PIWIL4: variants seen among roughly 807,000 people sequenced by gnomAD.
PIWIL4 encodes the protein piwi like RNA-mediated gene silencing 4.
A neutral mutation model predicts 100.9 loss-of-function variants in PIWIL4; 50 were observed. The ratio of observed to expected loss-of-function variants is 0.50; its 90% CI spans 0.39 to 0.63. The LOEUF (loss-of-function observed/expected upper bound fraction) is 0.63, where lower values mean the gene tolerates loss of function less well. Ranked by LOEUF, PIWIL4 falls within the 20% of genes least tolerant of loss-of-function variation. PIWIL4 has a pLI of 0.00. For missense variants in PIWIL4, 887 were observed against 1,043.3 expected, an observed-to-expected ratio of 0.85 and a Z score of 2.06; for synonymous variants, 342 against 367.5, an observed-to-expected ratio of 0.93 and a Z score of 0.79.
rs550377663 is a variant in PIWIL4, at chr11:94,589,140, T to A, written c.934T>A (p.Ser312Thr). The part of the protein sequence containing the change: ...VLTRYNNRTY[S>T]IDDIDWSVKP... The stretch of plus-strand genomic sequence containing the variant: ...TGGCAGATACAATAACAGAACCTAC[T>A]CCATTGATGACATTGACTGGTCAGT... The change falls in exon 8 of 20, where the codon TCC (serine) becomes ACC (threonine). Residue 312 changes from serine (S) to threonine (T), a missense_variant. By Grantham distance (58) the Ser-to-Thr change is moderately conservative (BLOSUM62 1). This residue lies in a region of PIWIL4 where 741 missense variants were observed against 930.0 expected (regional missense o/e 0.80). Coordinates refer to ENST00000299001, the MANE Select transcript of PIWIL4 (RefSeq NM_152431.3). 1 of 1,611,166 alleles carries A rather than the reference T, an allele frequency of 6.2e-7. No individual in the cohort carries two copies. The highest frequency in any genetic ancestry group is 1.3e-5 in the African/African-American group (1 of 75,010).
intron 5 of PIWIL4, among the ~76,000 whole-genome samples, chr11:94,584,778 A>G (rs1002754878): frequency 6.6e-6 from 1 of 152,126 alleles, no homozygotes; most frequent in Non-Finnish European, 1.5e-5. Context: ...TAGAAATAAG[A>G]TCCTCGGCTG....
chr11:94,620,833 C>A, intron 19 of PIWIL4, 43 bp from the exon 20 acceptor site: 1 of 1,430,414 alleles, frequency 7.0e-7, no homozygotes. Context: ...CTTTGAAGAA[C>A]AAGGTAATCT....
rs916135725 is a variant in PIWIL4 at position 94,583,040 on chromosome 11, A to G, written c.514-408A>G. ...ACACTGTTGTGGTGTGTGTATATAT[A>G]TATATGTGTGTGTGTGTGTGTGTGT... On this transcript the variant is annotated intron_variant, in intron 4 of 19. Transcript: ENST00000299001. Among the ~76,000 whole-genome samples, 829 of 118,170 alleles carry G rather than the reference A, an allele frequency of 7.0e-3. 8 individuals carry two copies. The highest frequency in any genetic ancestry group is 0.026 in the African/African-American group (789 of 29,954). The allele number at this position is 118,170 out of a possible 152,430, so 77.5% of individuals were successfully genotyped here.
intron 8 of PIWIL4, among the ~76,000 whole-genome samples, chr11:94,593,203 T>C (rs1948510137): frequency 6.6e-6 from 1 of 152,246 alleles, no homozygotes; most frequent in African/African-American, 2.4e-5. Flanking sequence ...ATGCTGGCTC[T>C]GAGTCAGTCC....
chr11:94,568,678 G>A, intron 1 of PIWIL4, 52 bp from the exon 2 acceptor site: 1 of 1,399,216 alleles, frequency 7.1e-7, no homozygotes. Flanking sequence ...TAATCTTTTG[G>A]TTTGTGACTT....
intron 11 of PIWIL4, among the ~76,000 whole-genome samples, chr11:94,600,455 A>AT (rs1948620139): frequency 6.6e-6 from 1 of 152,118 alleles, no homozygotes; most frequent in African/African-American, 2.4e-5. Context: ...TTTATTAGGG[A>AT]TTTTCAAAAG....
chr11:94,591,464 G>A (rs1446611407), intron 8 of PIWIL4, among the ~76,000 whole-genome samples: 1 of 152,244 alleles, frequency 6.6e-6, no homozygotes, highest in Non-Finnish European at 1.5e-5. Context: ...ATTCCTTGGA[G>A]AGCAAGGATG....
rs1948119964 is a variant in PIWIL4 at position 94,569,577 on chromosome 11, C to A, written c.166+769C>A. Among the ~76,000 whole-genome samples the A allele has an allele frequency of 2.0e-5, 3 of 152,286 alleles. No individual in the cohort carries two copies. The South Asian group carries it at 6.2e-4, about 32-fold the overall frequency. On this transcript the variant is annotated intron_variant, in intron 2 of 19. Transcript: ENST00000299001. The stretch of plus-strand genomic sequence containing the variant: ...ATTTTTAGTAGAGACAGGGTTTCTC[C>A]ATGTTGGTCAGGCTAGTCTTGAACT...
rs7936084 is a variant in PIWIL4, at chr11:94,587,773, T to G, written c.914+526T>G. The stretch of plus-strand genomic sequence containing the variant: ...AGGTTAGTTCCATGTCTCACCTTCT[T>G]TATTAGATTCAGGAGTCTTTTAAGT... On this transcript the variant is annotated intron_variant, in intron 7 of 19. Transcript: ENST00000299001. Among the ~76,000 whole-genome samples, 566 of 152,330 alleles carry G rather than the reference T, an allele frequency of 3.7e-3. 3 individuals are homozygous for G. Among genetic ancestry groups the G allele is most frequent in the African/African-American group, 0.013 (521 of 41,578 alleles).
At chr11:94,618,172 C>G (rs1948866800) in intron 17 of PIWIL4, 65 bp downstream of exon 17, 2 of 1,442,874 alleles carry the variant, frequency 1.4e-6, no homozygotes, top group East Asian at 4.8e-5. Flanking sequence ...AGCTATTACA[C>G]ACAAGGTATT....
chr11:94,572,503 A>G (rs1948171585), intron 2 of PIWIL4, among the ~76,000 whole-genome samples: 1 of 152,184 alleles, frequency 6.6e-6, no homozygotes, highest in Admixed American at 6.5e-5. Flanking sequence ...AGCTTTCTAC[A>G]TATGGCTAGC....
intron 15 of PIWIL4, among the ~76,000 whole-genome samples, chr11:94,614,300 C>CTTTTTTTTTT (rs57731239): frequency 8.3e-6 from 1 of 120,142 alleles, no homozygotes; most frequent in African/African-American, 3.2e-5. Flanking sequence ...TTTTTCTTTT[C>CTTTTTTTTTT]TTTTTTTTTT....
intron 8 of PIWIL4, 88 bp downstream of exon 8, chr11:94,589,320 G>T (rs1209726187): frequency 8.7e-7 from 1 of 1,143,770 alleles, no homozygotes; most frequent in Non-Finnish European, 1.3e-6. Flanking sequence ...CCCCCAGATT[G>T]GAGGCTGAGT....
At position 94,612,643 on chromosome 11, in the gene PIWIL4, G is replaced by C. The variant is rs561652046; in HGVS notation, c.1944-3850G>C. Among the ~76,000 whole-genome samples the C allele has an allele frequency of 5.3e-5, 8 of 151,886 alleles. No individual in the cohort carries two copies. In the East Asian group the frequency reaches 1.4e-3, roughly 26 times the overall value. ...TATTCCTCTCTCTCTGTCTTCCTTT[G>C]TGATTTGATGATTTTCTGCAATAGT... On this transcript the variant is annotated intron_variant, in intron 15 of 19. Transcript: ENST00000299001.
chr11:94,620,342 C>T (rs1158374516), intron 19 of PIWIL4, among the ~76,000 whole-genome samples, 198 bp downstream of exon 19: 2 of 152,094 alleles, frequency 1.3e-5, no homozygotes, highest in Non-Finnish European at 2.9e-5. Flanking sequence ...ATCATAGAAA[C>T]AAAATAACAA....
At position 94,593,579 on chromosome 11, in the gene PIWIL4, A is replaced by G; in HGVS notation, c.1088A>G (p.Lys363Arg). 1 of 1,614,042 alleles carries G rather than the reference A, an allele frequency of 6.2e-7. No homozygotes were observed. The change falls in exon 9 of 20, where the codon AAG becomes AGG. Residue 363 changes from lysine (K) to arginine (R), a missense_variant. Physicochemically the swap from Lys to Arg is conservative, Grantham distance 26. Transcript: ENST00000299001. ...QPMLVSLLKK[K>R]RNDNSEAQLA... Reference sequence around the variant, plus strand: ...ATGCTTGTTAGTCTGTTAAAGAAGAAGAGAAATGACAACAGTGAGGCTCAG... The same window carrying G: ...ATGCTTGTTAGTCTGTTAAAGAAGAGGAGAAATGACAACAGTGAGGCTCAG...
intron 16 of PIWIL4, 119 bp from the exon 17 acceptor site, chr11:94,617,835 G>T: frequency 2.0e-6 from 2 of 1,019,710 alleles, no homozygotes; most frequent in Non-Finnish European, 3.0e-6. Flanking sequence ...ATTATGTATT[G>T]CCCTATTTTA....
chr11:94,580,243 C>T (rs1262112521), intron 4 of PIWIL4, among the ~76,000 whole-genome samples: 2 of 152,176 alleles, frequency 1.3e-5, no homozygotes, highest in Non-Finnish European at 2.9e-5. Flanking sequence ...TGACCTGTCA[C>T]CCAGTTACAG....
chr11:94,572,873 T>C (rs941143570), intron 2 of PIWIL4, among the ~76,000 whole-genome samples: 1 of 152,200 alleles, frequency 6.6e-6, no homozygotes, highest in East Asian at 1.9e-4. Flanking sequence ...TATAAATTAC[T>C]TTGGGCAGTA....
Sources: allele counts gnomAD v4.1 joint callset (sites outside exome capture counted in the v4.1 genomes callset), GRCh38; gene constraint gnomAD v4.1.1; regional missense constraint gnomAD v4.1.1; transcripts MANE v1.5; gene names NCBI Gene and HGNC (gene_info 2026-07-23, HGNC 2026-07-21).